Variants in NEIL3 observed in about 807,000 individuals in gnomAD.
The protein encoded by NEIL3 is endonuclease 8-like 3.
Under a neutral mutation model 57.5 loss-of-function variants are expected in NEIL3, and 48 were observed. That is an observed-to-expected ratio of 0.83 (90% CI 0.66 to 1.06). NEIL3 has a LOEUF of 1.06. Ranked by LOEUF, NEIL3 falls within the 50% of genes least tolerant of loss-of-function variation. The pLI, the probability that NEIL3 is intolerant of heterozygous loss-of-function variation, is 0.00. For missense variants in NEIL3, 717 were observed against 739.1 expected, an observed-to-expected ratio of 0.97 and a Z score of 0.35; for synonymous variants, 261 against 253.2, an observed-to-expected ratio of 1.03 and a Z score of -0.29.
At chr4:177,345,812 C>G (rs935120593) in intron 6 of NEIL3, among the ~76,000 whole-genome samples, 2 of 151,602 alleles carry the variant, frequency 1.3e-5, no homozygotes, top group African/African-American at 4.8e-5. Flanking sequence ...ACCTCGGCCT[C>G]CCAGGTAGCT....
intron 6 of NEIL3, among the ~76,000 whole-genome samples, chr4:177,348,576 C>G (rs71615233): frequency 6.6e-6 from 1 of 152,134 alleles, no homozygotes; most frequent in East Asian, 1.9e-4. Context: ...CTGCAATCCT[C>G]TGAGTCCCCA....
At chr4:177,322,295 G>T (rs1346673478) in intron 1 of NEIL3, among the ~76,000 whole-genome samples, 164 bp from the exon 2 acceptor site, 1 of 152,124 alleles carries the variant, frequency 6.6e-6, no homozygotes, top group African/African-American at 2.4e-5. Context: ...TTGACAAAAT[G>T]TATGTAAACA....
intron 8 of NEIL3, among the ~76,000 whole-genome samples, chr4:177,354,480 G>A (rs920258382): frequency 6.6e-6 from 1 of 152,126 alleles, no homozygotes; most frequent in Non-Finnish European, 1.5e-5. Flanking sequence ...GGTCTGAGGT[G>A]CCTGTAGTGA....
chr4:177,365,458 A>C (rs1405146859), downstream of NEIL3, among the ~76,000 whole-genome samples: 2 of 152,180 alleles, frequency 1.3e-5, no homozygotes, highest in East Asian at 1.9e-4. Flanking sequence ...ATGCACAACA[A>C]CACAATATGA....
At chr4:177,333,525 A>T (rs1734920200) in intron 2 of NEIL3, among the ~76,000 whole-genome samples, 1 of 152,216 alleles carries the variant, frequency 6.6e-6, no homozygotes, top group South Asian at 2.1e-4. Context: ...AAAAAAGTGT[A>T]TGAAGTATCT....
At chr4:177,365,937 A>G (rs1022788395), downstream of NEIL3, among the ~76,000 whole-genome samples, 6 of 152,222 alleles carry the variant, frequency 3.9e-5, no homozygotes, top group African/African-American at 1.4e-4. Context: ...CATATGAACA[A>G]TCAGAATGAT....
chr4:177,322,182 G>A (rs1045292527), intron 1 of NEIL3, among the ~76,000 whole-genome samples: 7 of 152,130 alleles, frequency 4.6e-5, no homozygotes, highest in Admixed American at 3.9e-4. Flanking sequence ...CATATGCACA[G>A]AGCTATATGG....
At chr4:177,361,019 CT>C (rs1345918751) in intron 9 of NEIL3, among the ~76,000 whole-genome samples, 2 of 152,116 alleles carry the variant, frequency 1.3e-5, no homozygotes, top group Non-Finnish European at 2.9e-5. Context: ...AGAATTTGTT[CT>C]TCCTAACTTC....
chr4:177,332,269 A>G (rs982623239), intron 2 of NEIL3, among the ~76,000 whole-genome samples: 1 of 152,096 alleles, frequency 6.6e-6, no homozygotes, highest in Admixed American at 6.6e-5. Context: ...GTATCATCAC[A>G]GTATTTTGTG....
intron 8 of NEIL3, 21 bp downstream of exon 8, chr4:177,353,749 G>A: frequency 6.4e-7 from 1 of 1,563,772 alleles, no homozygotes; most frequent in South Asian, 1.2e-5. Context: ...TTTAACCTTG[G>A]TCTTTAAGAT....
At chr4:177,328,375 AC>A (rs1343548832) in intron 2 of NEIL3, among the ~76,000 whole-genome samples, 8 of 152,188 alleles carry the variant, frequency 5.3e-5, no homozygotes, top group African/African-American at 1.9e-4. Context: ...CTCAAACCAA[AC>A]CAAATGTCCC....
intron 3 of NEIL3, 54 bp from the exon 4 acceptor site, chr4:177,336,052 CTT>C: frequency 7.0e-7 from 1 of 1,428,736 alleles, no homozygotes; most frequent in South Asian, 1.2e-5. Context: ...TTAAAAGACA[CTT>C]TGTGAAATTA....
downstream of NEIL3, among the ~76,000 whole-genome samples, chr4:177,364,712 G>A (rs956878488): frequency 2.0e-5 from 3 of 152,008 alleles, no homozygotes; most frequent in Non-Finnish European, 2.9e-5. Context: ...GGCAGATCAC[G>A]AAGTCAAGAG....
rs528987073 is a variant in NEIL3 at position 177,339,877 on chromosome 4, A to G, written c.702+20A>G. On this transcript the variant is annotated intron_variant, in intron 5 of 9. Transcript: ENST00000264596. ...TACAGGGTAAGAGCAAAATTTTTCA[A>G]CTGTGTAAAATGTAAAATGTCAGTG... The G allele has an allele frequency of 2.2e-5, 34 of 1,551,064 alleles. No individual in the cohort carries two copies. The East Asian group carries it at 7.4e-4, about 34-fold the overall frequency.
intron 6 of NEIL3, among the ~76,000 whole-genome samples, chr4:177,347,583 G>A (rs1735249621): frequency 1.3e-5 from 2 of 152,094 alleles, no homozygotes; most frequent in South Asian, 2.1e-4. Flanking sequence ...GAATAGAGAC[G>A]GTCATGGAAC....
At position 177,351,509 on chromosome 4, in the gene NEIL3, T is replaced by C; in HGVS notation, c.999T>C (p.Ser333=). 1 of 1,613,936 alleles carries C rather than the reference T, an allele frequency of 6.2e-7. No individual in the cohort carries two copies. Among genetic ancestry groups the C allele is most frequent in the Non-Finnish European group, 8.5e-7 (1 of 1,179,934 alleles). The change falls in exon 7 of 10, where the codon TCT becomes TCC. Residue 333 remains serine (S), a synonymous_variant. Coordinates refer to ENST00000264596, the MANE Select transcript of NEIL3 (RefSeq NM_018248.3). The stretch of plus-strand genomic sequence containing the variant: ...TGTGTACTTTAATCAATAAGCCCTC[T>C]TCTAAGGCATGTGATGCTTGCTTGA... ...CVVCTLINKP[S]SKACDACLTS...
intron 1 of NEIL3, among the ~76,000 whole-genome samples, chr4:177,310,443 ATAT>A (rs1391416099): frequency 2.0e-5 from 3 of 152,274 alleles, no homozygotes; most frequent in African/African-American, 7.2e-5. Flanking sequence ...TTTACTATTG[ATAT>A]TATCAAATCT....
intron 5 of NEIL3, among the ~76,000 whole-genome samples, 173 bp downstream of exon 5, chr4:177,340,030 T>C (rs1017502178): frequency 2.6e-5 from 4 of 152,238 alleles, no homozygotes; most frequent in Non-Finnish European, 5.9e-5. Flanking sequence ...TTCTAGGTCA[T>C]AGGTCAGTTC....
chr4:177,333,770 A>G (rs1025619840), intron 2 of NEIL3, among the ~76,000 whole-genome samples: 4 of 152,188 alleles, frequency 2.6e-5, no homozygotes, highest in East Asian at 1.9e-4. Context: ...CTTGGGTCCT[A>G]CGTCTTTAAA....
Sources: gnomAD v4.1 joint callset for allele counts (sites outside exome capture counted in the v4.1 genomes callset) on GRCh38, gnomAD v4.1.1 for gene constraint, MANE v1.5 for transcripts, NCBI Gene and HGNC (gene_info 2026-07-23, HGNC 2026-07-21) for gene names.